The following CCSER1 variants were observed in gnomAD, a reference collection of about 807,000 sequenced individuals.
CCSER1 encodes coiled-coil serine rich protein 1.
A neutral mutation model predicts 82.0 loss-of-function variants in CCSER1; 41 were observed. The ratio of observed to expected loss-of-function variants is 0.50; its 90% CI spans 0.39 to 0.65. The LOEUF is 0.65. Ranked by LOEUF, CCSER1 falls within the 30% of genes least tolerant of loss-of-function variation. CCSER1 has a pLI of 0.00. For synonymous variants in CCSER1, 414 were observed against 383.9 expected (o/e 1.08, Z -0.92); for missense variants, 1,119 against 1,064.2 (o/e 1.05, Z -0.72).
At chr4:90,602,194 G>C (rs1784112093) in intron 5 of CCSER1, among the ~76,000 whole-genome samples, 1 of 152,022 alleles carries the variant, frequency 6.6e-6, no homozygotes, top group South Asian at 2.1e-4. Flanking sequence ...TTGAAGCTCT[G>C]TTATTAGCTG....
intron 9 of CCSER1, among the ~76,000 whole-genome samples, chr4:91,038,597 C>T (rs1008962376): frequency 6.6e-6 from 1 of 152,102 alleles, no homozygotes; most frequent in African/African-American, 2.4e-5. Flanking sequence ...TGAAGATGAT[C>T]ACGGATCCTG....
intron 6 of CCSER1, among the ~76,000 whole-genome samples, chr4:90,694,266 A>T (rs559263776): frequency 6.6e-6 from 1 of 151,990 alleles, no homozygotes; most frequent in African/African-American, 2.4e-5. Flanking sequence ...ACTACTTTAT[A>T]TATTTTAATA....
intron 10 of CCSER1, among the ~76,000 whole-genome samples, chr4:91,474,691 T>C (rs971815713): frequency 6.6e-6 from 1 of 150,432 alleles, no homozygotes; most frequent in Non-Finnish European, 1.5e-5. Context: ...AGCATCCTTT[T>C]CTTCTCTCAG....
intron 8 of CCSER1, among the ~76,000 whole-genome samples, chr4:90,849,172 CA>C (rs1158568339): frequency 6.6e-6 from 1 of 152,094 alleles, no homozygotes; most frequent in Non-Finnish European, 1.5e-5. Flanking sequence ...GCTCAGAAGA[CA>C]AGGAAATGGG....
chr4:91,152,211 C>T (rs566449129), intron 10 of CCSER1, among the ~76,000 whole-genome samples: 1 of 152,228 alleles, frequency 6.6e-6, no homozygotes, highest in South Asian at 2.1e-4. Context: ...TTGAATTGAT[C>T]CCTTTACCAT....
At chr4:90,699,638 C>A (rs1326635652) in intron 6 of CCSER1, among the ~76,000 whole-genome samples, 4 of 152,088 alleles carry the variant, frequency 2.6e-5, no homozygotes, top group Non-Finnish European at 5.9e-5. Flanking sequence ...GGCTGTTAAT[C>A]CCTTCAGGAA....
chr4:91,298,275 T>C (rs1405606876), intron 10 of CCSER1, among the ~76,000 whole-genome samples: 1 of 152,016 alleles, frequency 6.6e-6, no homozygotes, highest in Admixed American at 6.6e-5. Flanking sequence ...AGGACACCTG[T>C]CATTGTTCAT....
intron 5 of CCSER1, among the ~76,000 whole-genome samples, chr4:90,571,673 A>G (rs569027269): frequency 1.3e-5 from 2 of 152,296 alleles, no homozygotes; most frequent in South Asian, 2.1e-4. Context: ...GACAGGATCA[A>G]TAGAAGCCTG....
At chr4:90,556,575 T>C (rs1466171837) in intron 5 of CCSER1, among the ~76,000 whole-genome samples, 2 of 152,116 alleles carry the variant, frequency 1.3e-5, no homozygotes, top group African/African-American at 2.4e-5. Flanking sequence ...TTGATTAACA[T>C]ATATTTTGTA....
chr4:91,069,813 T>G (rs752668096), intron 9 of CCSER1, among the ~76,000 whole-genome samples: 52 of 152,056 alleles, frequency 3.4e-4, no homozygotes, highest in Non-Finnish European at 2.1e-4. Context: ...TGGGGAGAGA[T>G]CATTAAAAGA....
chr4:90,904,537 C>A (rs944105131), intron 8 of CCSER1, among the ~76,000 whole-genome samples: 1 of 152,098 alleles, frequency 6.6e-6, no homozygotes, highest in African/African-American at 2.4e-5. Flanking sequence ...GATCTGTTCC[C>A]TAAAAATCAA....
At chr4:91,560,821 G>T (rs1246695285) in intron 10 of CCSER1, among the ~76,000 whole-genome samples, 1 of 151,042 alleles carries the variant, frequency 6.6e-6, no homozygotes, top group African/African-American at 2.4e-5. Flanking sequence ...ATTACTTCAC[G>T]TGATACCTAA....
At chr4:90,172,440 A>C (rs975506804) in intron 1 of CCSER1, among the ~76,000 whole-genome samples, 9 of 151,906 alleles carry the variant, frequency 5.9e-5, no homozygotes, top group Non-Finnish European at 8.8e-5. Context: ...AATAGCTTGG[A>C]AATAAGACTA....
At chr4:90,632,403 C>T (rs951474821) in intron 6 of CCSER1, among the ~76,000 whole-genome samples, 1 of 151,928 alleles carries the variant, frequency 6.6e-6, no homozygotes, top group Admixed American at 6.6e-5. Context: ...TTTGTGCCAT[C>T]ACCATAACAA....
At chr4:91,023,103 C>T (rs373248871) in intron 9 of CCSER1, among the ~76,000 whole-genome samples, 14 of 151,966 alleles carry the variant, frequency 9.2e-5, no homozygotes, top group Non-Finnish European at 1.5e-4. Context: ...TTACAAGGGA[C>T]GTGAAGGACC....
At chr4:91,302,715 A>G (rs1436036880) in intron 10 of CCSER1, among the ~76,000 whole-genome samples, 1 of 151,778 alleles carries the variant, frequency 6.6e-6, no homozygotes, top group Non-Finnish European at 1.5e-5. Context: ...TTTCTCTGCC[A>G]TCACATCCTT....
chr4:91,319,773 C>G (rs1311338454), intron 10 of CCSER1: 1 of 454,744 alleles, frequency 2.2e-6, no homozygotes. Flanking sequence ...AGCTGCTTCT[C>G]TTATGCTCTA....
intron 8 of CCSER1, among the ~76,000 whole-genome samples, chr4:90,894,422 G>A (rs1255249706): frequency 1.3e-5 from 2 of 152,038 alleles, no homozygotes; most frequent in Non-Finnish European, 2.9e-5. Context: ...ATGGCCCTGT[G>A]TTGAAAATGC....
chr4:90,518,959 C>T (rs1772681796), intron 5 of CCSER1, among the ~76,000 whole-genome samples: 1 of 151,686 alleles, frequency 6.6e-6, no homozygotes. Flanking sequence ...AAATTTGTTT[C>T]CAATAAATAC....
Sources: gnomAD v4.1 joint callset for allele counts (sites outside exome capture counted in the v4.1 genomes callset) on GRCh38, gnomAD v4.1.1 for gene constraint, MANE v1.5 for transcripts, NCBI Gene and HGNC (gene_info 2026-07-23, HGNC 2026-07-21) for gene names.